LRRFIP1: variants seen among roughly 807,000 people sequenced by gnomAD.
LRRFIP1 encodes the protein leucine-rich repeat flightless-interacting protein 1.
In LRRFIP1, 62 loss-of-function variants were observed where a neutral mutation model predicts 104.4. The observed-to-expected ratio is 0.59, with a 90% confidence interval of 0.48 to 0.73. The LOEUF is 0.73. Among genes scored for constraint, LRRFIP1 ranks in the 30% least tolerant of loss-of-function variants. LRRFIP1 has a pLI of 0.00. For synonymous variants in LRRFIP1, 300 were observed against 299.0 expected, an observed-to-expected ratio of 1.00 and a Z score of -0.03; for missense variants, 796 against 824.5, an observed-to-expected ratio of 0.97 and a Z score of 0.42.
In LRRFIP1 at chr2:237,735,163, T is replaced by C; in HGVS notation, c.490-105T>C. On this transcript the variant is annotated intron_variant, in intron 9 of 23. Transcript: ENST00000308482. This position sits in a 1 kb window ranked among gnomAD's most constrained non-coding sequence, Gnocchi z 4.6. ...CTCCCCTGCATGCTTTTTCAGGTCA[T>C]GCTCCTGGCACGTGTCAGTTTTTCA... The C allele has an allele frequency of 2.3e-6, 2 of 854,598 alleles. No individual in the cohort carries two copies. Among genetic ancestry groups the C allele is most frequent in the Non-Finnish European group, 3.7e-6 (2 of 542,936 alleles). 52.9% of individuals were successfully genotyped at this position (854,598 alleles called of 1,614,324 possible). A position where few individuals can be genotyped will look rare whatever the true frequency, so the allele number is the denominator to read the frequency against.
Position 237,779,536 on chromosome 2 carries a change from C to T in LRRFIP1, c.*4C>T. ...TGCACTCTTGTCCCAGCAGTAAATT[C>T]CAGCTCTGATCAGGCAACTGGTTGG... On this transcript the variant is annotated 3_prime_UTR_variant, in exon 24 of 24. Transcript: ENST00000308482. The T allele has an allele frequency of 4.3e-6, 7 of 1,611,298 alleles. No homozygotes were observed. Among genetic ancestry groups the T allele is most frequent in the Non-Finnish European group, 5.9e-6 (7 of 1,177,732 alleles).
intron 5 of LRRFIP1, 41 bp from the exon 6 acceptor site, chr2:237,720,731 T>C (rs1477232505): frequency 6.3e-7 from 1 of 1,582,178 alleles, no homozygotes; most frequent in East Asian, 2.2e-5. Flanking sequence ...ATGTATGTTG[T>C]ATGATTCCTT....
chr2:237,754,173 T>C (rs945849506), intron 15 of LRRFIP1, among the ~76,000 whole-genome samples: 17 of 152,356 alleles, frequency 1.1e-4, no homozygotes, highest in African/African-American at 4.1e-4. Flanking sequence ...TTCTGATTTT[T>C]ATTTTGTTCT....
chr2:237,640,495 A>C (rs766401962), intron 1 of LRRFIP1, among the ~76,000 whole-genome samples: 83 of 152,046 alleles, frequency 5.5e-4, no homozygotes, highest in Non-Finnish European at 4.4e-4. Context: ...CCTCAACTTT[A>C]GTCTCACCTG....
At chr2:237,747,399 G>A (rs1188954386) in intron 11 of LRRFIP1, among the ~76,000 whole-genome samples, 2 of 152,160 alleles carry the variant, frequency 1.3e-5, no homozygotes, top group African/African-American at 4.8e-5. Flanking sequence ...GTGGACTCGG[G>A]CCATAGATGG....
At position 237,706,563 on chromosome 2, in the gene LRRFIP1, G is replaced by A. The variant is rs930457179; in HGVS notation, c.97-1981G>A. Among the ~76,000 whole-genome samples, 6 of 152,284 alleles carry A rather than the reference G, an allele frequency of 3.9e-5. 1 individual carries two copies. Among genetic ancestry groups the A allele is most frequent in the Admixed American group, 6.5e-5 (1 of 15,296 alleles). On this transcript the variant is annotated intron_variant, in intron 1 of 23. Transcript: ENST00000308482. ...ACTTTGCTGGCCCATTGGTAGGGCC[G>A]TAGGACGTCACTCTAATGCCTTTCC...
rs141316073 is a variant in LRRFIP1, at chr2:237,760,047, C to T, written c.1318-17C>T. On this transcript the variant is annotated splice_polypyrimidine_tract_variant and intron_variant, in intron 18 of 23. Transcript: ENST00000308482. The stretch of plus-strand genomic sequence containing the variant: ...ATCACTGAGTAAATATTACGATGAG[C>T]CTATTTTTGTTCCCAGAAACATGGA... 7.6e-5 allele frequency: 123 copies of T among 1,610,848 alleles called. 1 individual carries two copies. In the Middle Eastern group the frequency reaches 2.3e-3, roughly 30 times the overall value.
Position 237,755,985 on chromosome 2 carries a change from A to ATG in LRRFIP1, c.1039-108_1039-107dup. The ATG allele has an allele frequency of 5.0e-6, 3 of 595,112 alleles. No individual in the cohort carries two copies. The East Asian group carries it at 9.0e-5, about 18-fold the overall frequency. 36.9% of individuals were successfully genotyped at this position (595,112 alleles called of 1,614,324 possible). ...ATAAAAGACCTTGAAGATTGTGATG[A>ATG]TGTAGTAGCAGGTGATTTGTTCCAC... On this transcript the variant is annotated intron_variant, in intron 15 of 23. Coordinates refer to ENST00000308482, the MANE Select transcript of LRRFIP1 (RefSeq NM_001137550.2).
intron 1 of LRRFIP1, among the ~76,000 whole-genome samples, chr2:237,700,869 C>T (rs905018393): frequency 2.0e-5 from 3 of 152,178 alleles, no homozygotes; most frequent in African/African-American, 7.2e-5. Flanking sequence ...CCTTCTCAGC[C>T]TGGGTGGAAG....
intron 19 of LRRFIP1, chr2:237,763,410 A>C: frequency 6.2e-7 from 1 of 1,614,060 alleles, no homozygotes; most frequent in Non-Finnish European, 8.5e-7. Context: ...GACTCATCGC[A>C]GAAGAAGACA....
At chr2:237,648,155 A>G (rs949577591) in intron 1 of LRRFIP1, among the ~76,000 whole-genome samples, 1 of 151,564 alleles carries the variant, frequency 6.6e-6, no homozygotes, top group Non-Finnish European at 1.5e-5. Flanking sequence ...ATTCAATTCC[A>G]TTTGAATGAC....
intron 1 of LRRFIP1, among the ~76,000 whole-genome samples, chr2:237,655,437 T>C (rs2086658623): frequency 6.9e-6 from 1 of 145,458 alleles, no homozygotes; most frequent in South Asian, 2.4e-4. Flanking sequence ...GGAAAGAATT[T>C]GCATTTATAA....
At chr2:237,769,516 T>G (rs1157322382) in intron 19 of LRRFIP1, 1 of 183,294 alleles carries the variant, frequency 5.5e-6, no homozygotes, top group African/African-American at 2.3e-5. Context: ...ATTAGAAAGA[T>G]AAATACATCT....
chr2:237,684,701 G>C (rs1322560470), intron 1 of LRRFIP1, among the ~76,000 whole-genome samples: 6 of 152,064 alleles, frequency 3.9e-5, no homozygotes, highest in Admixed American at 2.0e-4. Flanking sequence ...TTCAGAGTTT[G>C]TGCCTGTAAG....
chr2:237,679,200 C>T (rs764505589), intron 1 of LRRFIP1, among the ~76,000 whole-genome samples: 5 of 152,188 alleles, frequency 3.3e-5, no homozygotes, highest in East Asian at 1.9e-4. Flanking sequence ...TGTTATGAGA[C>T]GTGTAATTTG....
intron 1 of LRRFIP1, among the ~76,000 whole-genome samples, chr2:237,641,571 T>G (rs189525136): frequency 5.3e-5 from 8 of 152,282 alleles, no homozygotes; most frequent in Admixed American, 4.6e-4. Context: ...ATTTCTGTTT[T>G]TGTGATTGGT....
Position 237,760,184 on chromosome 2 carries a change from T to C in LRRFIP1, c.1438T>C (p.Ser480Pro), listed in dbSNP as rs2150818199. The change falls in exon 19 of 24, where the codon TCG (serine) becomes CCG (proline). Residue 480 changes from serine (S) to proline (P), a missense_variant. By Grantham distance (74) the Ser-to-Pro change is moderately conservative. Transcript: ENST00000308482. Reference protein sequence around the residue: ...MTKEELNALKSTGDGTLDIRL... With the variant: ...MTKEELNALKPTGDGTLDIRL... The stretch of plus-strand genomic sequence containing the variant: ...AAAAGAAGAGTTAAATGCCCTCAAG[T>C]CGACAGGGGATGGGACCCTAGGTAA... 1 of 1,614,142 alleles carries C rather than the reference T, an allele frequency of 6.2e-7. No individual in the cohort carries two copies. The highest frequency in any genetic ancestry group is 2.2e-5 in the East Asian group (1 of 44,878).
chr2:237,700,169 G>A (rs1170576755), intron 1 of LRRFIP1, among the ~76,000 whole-genome samples: 1 of 152,200 alleles, frequency 6.6e-6, no homozygotes, highest in Non-Finnish European at 1.5e-5. Context: ...CTGAGGGTTG[G>A]GGGGTTTGCA....
chr2:237,763,727 GC>G, intron 19 of LRRFIP1: 1 of 1,614,254 alleles, frequency 6.2e-7, no homozygotes, highest in Non-Finnish European at 8.5e-7. Flanking sequence ...GGAGGTACTA[GC>G]TGATGGAGAC....
Sources: gnomAD v4.1 joint callset for allele counts (sites outside exome capture counted in the v4.1 genomes callset) on GRCh38, gnomAD v4.1.1 for gene constraint, Gnocchi (gnomAD v3.1) non-coding constraint, MANE v1.5 for transcripts, NCBI Gene and HGNC (gene_info 2026-07-23, HGNC 2026-07-21) for gene names.